CFAP47: variants seen among roughly 807,000 people sequenced by gnomAD.
The protein encoded by CFAP47 is cilia and flagella associated protein 47.
A neutral mutation model predicts 148.1 loss-of-function variants in CFAP47; 29 were observed. The ratio of observed to expected loss-of-function variants is 0.20; its 90% confidence interval spans 0.15 to 0.27. The LOEUF (loss-of-function observed/expected upper bound fraction) is 0.27. Ranked by LOEUF, CFAP47 falls within the 10% of genes least tolerant of loss-of-function variation. The pLI is 1.00. For missense variants in CFAP47, 1,872 were observed against 1,697.5 expected, an observed-to-expected ratio of 1.10 and a Z score of -1.81; for synonymous variants, 664 against 577.3, an observed-to-expected ratio of 1.15 and a Z score of -2.15.
At chrX:36,185,373 C>G (rs782651349) in intron 40 of CFAP47, among the ~76,000 whole-genome samples, 1 of 110,829 alleles carries the variant, frequency 9.0e-6, no homozygotes, top group South Asian at 3.9e-4. Context: ...TAGATTTCAA[C>G]AAATGAATTG....
chrX:36,042,713 A>T (rs1465654664), intron 25 of CFAP47, among the ~76,000 whole-genome samples: 5 of 111,942 alleles, frequency 4.5e-5, no homozygotes, highest in African/African-American at 1.6e-4. Flanking sequence ...CATGGATTGG[A>T]ATATTCGATG....
chrX:36,301,878 G>T lies in CFAP47; in HGVS notation c.7970+699G>T, dbSNP rs1214351592. Among the ~76,000 whole-genome samples, 52 of 110,540 alleles carry T rather than the reference G, an allele frequency of 4.7e-4. No individual in the cohort carries two copies. In the Admixed American group the frequency reaches 5.1e-3, roughly 11 times the overall value. ...TCAAGTTTGGTGCTGGTAAATAGGGGTAAACAAGGCATAATCCCTACTTTT... is the reference window on the plus strand; with the variant it reads ...TCAAGTTTGGTGCTGGTAAATAGGGTTAAACAAGGCATAATCCCTACTTTT... On this transcript the variant is annotated intron_variant, in intron 53 of 63. Coordinates refer to ENST00000378653, the MANE Select transcript of CFAP47 (RefSeq NM_001304548.2).
intron 22 of CFAP47, among the ~76,000 whole-genome samples, chrX:36,017,056 C>T (rs1322419349): frequency 9.0e-6 from 1 of 110,906 alleles, no homozygotes; most frequent in Non-Finnish European, 1.9e-5. Flanking sequence ...CTTACATATT[C>T]TGGTTATTAA....
At chrX:35,934,115 C>A (rs1482975488) in intron 2 of CFAP47, among the ~76,000 whole-genome samples, 1 of 110,598 alleles carries the variant, frequency 9.0e-6, no homozygotes, top group Non-Finnish European at 1.9e-5. Context: ...GTTGCCTGTG[C>A]TTGTGGGGTG....
At chrX:36,140,844 C>T (rs1939125878) in intron 35 of CFAP47, among the ~76,000 whole-genome samples, 2 of 111,448 alleles carry the variant, frequency 1.8e-5, no homozygotes, top group South Asian at 3.7e-4. Context: ...ACAGTTATTA[C>T]ATATTACATA....
chrX:36,072,804 T>A (rs1440531894), intron 28 of CFAP47, among the ~76,000 whole-genome samples: 4 of 111,806 alleles, frequency 3.6e-5, no homozygotes, highest in Non-Finnish European at 7.5e-5. Context: ...TTCTAATACA[T>A]AATGCTGAAG....
chrX:35,974,600 A>G (rs919912357), intron 13 of CFAP47, among the ~76,000 whole-genome samples: 1 of 111,968 alleles, frequency 8.9e-6, no homozygotes. Flanking sequence ...ACAGGTGTAT[A>G]CATATACGAA....
intron 21 of CFAP47, among the ~76,000 whole-genome samples, chrX:36,004,803 G>A (rs1192629058): frequency 9.0e-6 from 1 of 110,584 alleles, no homozygotes; most frequent in African/African-American, 3.3e-5. Context: ...TAATTACGGT[G>A]ATGATTGCAC....
At chrX:36,052,563 G>A (rs184834065) in intron 26 of CFAP47, among the ~76,000 whole-genome samples, 1 of 111,861 alleles carries the variant, frequency 8.9e-6, no homozygotes, top group African/African-American at 3.2e-5. Flanking sequence ...TTTTTCTGAT[G>A]AGAAATATAT....
intron 1 of CFAP47, among the ~76,000 whole-genome samples, chrX:35,924,352 T>C (rs140653059): frequency 0.011 from 1,199 of 106,569 alleles, 21 homozygotes; most frequent in Middle Eastern, 0.039. Flanking sequence ...TGTGTGCATA[T>C]GTGTATATAT....
intron 33 of CFAP47, among the ~76,000 whole-genome samples, chrX:36,126,181 G>A (rs1344608097): frequency 1.8e-5 from 2 of 109,001 alleles, no homozygotes; most frequent in East Asian, 2.9e-4. Flanking sequence ...GTGGTTTGCT[G>A]CACCCATCTA....
intron 25 of CFAP47, among the ~76,000 whole-genome samples, 179 bp downstream of exon 25, chrX:36,039,358 G>A (rs1937376053): frequency 8.9e-6 from 1 of 111,924 alleles, no homozygotes; most frequent in Admixed American, 9.5e-5. Context: ...TTATCTCACA[G>A]TTAGTCATTG....
intron 39 of CFAP47, among the ~76,000 whole-genome samples, chrX:36,164,553 C>A (rs1939467352): frequency 9.0e-6 from 1 of 111,393 alleles, no homozygotes; most frequent in Non-Finnish European, 1.9e-5. Context: ...ATCTTTCAAT[C>A]TAAAGTATGT....
Position 35,971,567 on chromosome X carries a change from A to T in CFAP47, c.1971-19A>T, listed in dbSNP as rs1369840444. 14 of 978,954 alleles carry T rather than the reference A, an allele frequency of 1.4e-5. No individual in the cohort carries two copies. In the East Asian group the frequency reaches 4.8e-4, roughly 33 times the overall value. The allele number at this position is 978,954 out of a possible 1,213,427, so 80.7% of individuals were successfully genotyped here. On this transcript the variant is annotated intron_variant, in intron 11 of 63. Transcript: ENST00000378653. ...GACTTGACCTCAATTACTGATTATT[A>T]TTATTATTAATTTTATAGGGAGCGC...
chrX:35,928,606 C>T (rs951055345), intron 2 of CFAP47, among the ~76,000 whole-genome samples: 51 of 110,329 alleles, frequency 4.6e-4, no homozygotes, highest in African/African-American at 1.6e-3. Context: ...TGAGGTTTGA[C>T]TTTTCATCCT....
At chrX:36,289,087 G>A (rs1054627051) in intron 51 of CFAP47, among the ~76,000 whole-genome samples, 2 of 92,646 alleles carry the variant, frequency 2.2e-5, no homozygotes, top group Non-Finnish European at 4.1e-5. Context: ...CACAACATCC[G>A]CCTCCCGGGT....
Position 35,964,723 on chromosome X carries a change from C to T in CFAP47, c.1411-1842C>T, listed in dbSNP as rs192485262. On this transcript the variant is annotated intron_variant, in intron 8 of 63. Transcript: ENST00000378653. ...TCAATTTCATTGGTTAGTTTTTCTGCCAGTTCAAATCTGCTATTGAGTCCC... is the reference window on the plus strand; with the variant it reads ...TCAATTTCATTGGTTAGTTTTTCTGTCAGTTCAAATCTGCTATTGAGTCCC... 8.9e-4 allele frequency among the ~76,000 whole-genome samples: 99 copies of T among 110,794 alleles called. 1 individual carries two copies. Among genetic ancestry groups the T allele is most frequent in the African/African-American group, 3.2e-3 (99 of 30,646 alleles).
At chrX:35,937,117 T>TG (rs1460987075) in intron 2 of CFAP47, among the ~76,000 whole-genome samples, 1 of 63,907 alleles carries the variant, frequency 1.6e-5, no homozygotes, top group Non-Finnish European at 2.7e-5. Flanking sequence ...TTTTTTTTTT[T>TG]TTTTTTTTTT....
At chrX:36,297,196 T>C (rs1941251080) in intron 51 of CFAP47, among the ~76,000 whole-genome samples, 1 of 111,874 alleles carries the variant, frequency 8.9e-6, no homozygotes. Flanking sequence ...AAATGTTGTT[T>C]CCATTCCTCT....
Sources: allele counts gnomAD v4.1 joint callset (sites outside exome capture counted in the v4.1 genomes callset), GRCh38; gene constraint gnomAD v4.1.1; transcripts MANE v1.5; gene names NCBI Gene and HGNC (gene_info 2026-07-23, HGNC 2026-07-21).